PVT1: variants seen among roughly 807,000 people sequenced by gnomAD.
PVT1 encodes Pvt1 oncogene, also known as CXCR4/PVT1 fusion.
intron 3 of PVT1, among the ~76,000 whole-genome samples, chr8:127,934,765 A>G (rs921807939): frequency 2.6e-5 from 4 of 152,114 alleles, no homozygotes; most frequent in African/African-American, 9.7e-5. Context: ...AGAAGCTGCT[A>G]AATTCTTGGC....
chr8:128,094,575 G>T (rs539586066), intron 5 of PVT1, among the ~76,000 whole-genome samples: 20 of 152,330 alleles, frequency 1.3e-4, no homozygotes, highest in African/African-American at 2.2e-4. Context: ...AAAAAATTTT[G>T]TGCTGATCCT....
chr8:127,976,918 GT>G (rs1005196390), intron 3 of PVT1, among the ~76,000 whole-genome samples: 1 of 152,088 alleles, frequency 6.6e-6, no homozygotes, highest in Non-Finnish European at 1.5e-5. Context: ...CTGGAGTTTG[GT>G]TTTTTGAGTT....
At chr8:127,887,065 G>T (rs184601926) in intron 2 of PVT1, among the ~76,000 whole-genome samples, 1 of 152,292 alleles carries the variant, frequency 6.6e-6, no homozygotes, top group East Asian at 1.9e-4. Context: ...CTTTAACTGG[G>T]CTACTCCATA....
intron 4 of PVT1, among the ~76,000 whole-genome samples, chr8:128,017,049 G>A (rs1817382618): frequency 6.6e-6 from 1 of 152,236 alleles, no homozygotes; most frequent in Admixed American, 6.5e-5. Flanking sequence ...CCAAGATGGT[G>A]TAGAACATCA....
chr8:127,823,488 CT>C (rs997159894), intron 2 of PVT1, among the ~76,000 whole-genome samples: 2 of 152,196 alleles, frequency 1.3e-5, no homozygotes, highest in East Asian at 1.9e-4. Flanking sequence ...TTCCCCTGCC[CT>C]TTTTCTGCCT....
Position 128,092,543 on chromosome 8 carries a change from C to T in PVT1, n.1115-3975C>T, listed in dbSNP as rs150142120. On this transcript the variant is annotated intron_variant and non_coding_transcript_variant, in intron 5 of 10. Coordinates refer to ENST00000651587, the Ensembl canonical transcript of PVT1. ...GGGACACATACGTCATGCCCTGAAG[C>T]GTTCCGGAACCGGTAGGGGCTGCCT... is the stretch of plus-strand genomic sequence containing the variant. 1.8e-4 allele frequency among the ~76,000 whole-genome samples: 27 copies of T among 152,366 alleles called. No homozygotes were observed. The East Asian group carries it at 4.1e-3, about 23-fold the overall frequency.
intron 4 of PVT1, among the ~76,000 whole-genome samples, chr8:128,033,456 A>C (rs951315475): frequency 1.3e-5 from 2 of 152,194 alleles, no homozygotes; most frequent in African/African-American, 4.8e-5. Context: ...TTTAGGAGAG[A>C]GAAATTGTGA....
intron 4 of PVT1, among the ~76,000 whole-genome samples, chr8:128,018,833 T>G (rs569974151): frequency 6.6e-6 from 1 of 152,170 alleles, no homozygotes; most frequent in Non-Finnish European, 1.5e-5. Flanking sequence ...CCCCCACCAC[T>G]TAAAATTCCC....
At chr8:127,991,894 C>T (rs1817046129) in intron 4 of PVT1, among the ~76,000 whole-genome samples, 1 of 152,150 alleles carries the variant, frequency 6.6e-6, no homozygotes, top group Non-Finnish European at 1.5e-5. Flanking sequence ...GGGACGCACA[C>T]CAATAGGAGG....
chr8:127,933,170 G>A (rs1447265839), intron 3 of PVT1, among the ~76,000 whole-genome samples: 1 of 152,124 alleles, frequency 6.6e-6, no homozygotes, highest in South Asian at 2.1e-4. Flanking sequence ...CTGCCTCCCG[G>A]GTTCAAGCGA....
chr8:128,034,162 C>G (rs1185938853), intron 4 of PVT1, among the ~76,000 whole-genome samples: 1 of 151,852 alleles, frequency 6.6e-6, no homozygotes, highest in Non-Finnish European at 1.5e-5. Context: ...CCTCCCCCAC[C>G]CCCTCTTTTC....
chr8:127,934,652 C>T (rs1382299996), intron 3 of PVT1, among the ~76,000 whole-genome samples: 1 of 151,588 alleles, frequency 6.6e-6, no homozygotes, highest in African/African-American at 2.4e-5. Flanking sequence ...GCTTCCTTAT[C>T]TCTGCAACAT....
intron 3 of PVT1, among the ~76,000 whole-genome samples, chr8:127,959,180 A>G (rs760081186): frequency 2.6e-5 from 4 of 152,208 alleles, no homozygotes; most frequent in South Asian, 2.1e-4. Flanking sequence ...ACTGATGACT[A>G]TCAGTCCCCT....
chr8:127,895,384 T>A (rs1226810601), intron 3 of PVT1, among the ~76,000 whole-genome samples: 1 of 152,130 alleles, frequency 6.6e-6, no homozygotes, highest in African/African-American at 2.4e-5. Context: ...GGCAGGAGAA[T>A]CATTTGAATC....
chr8:127,945,141 C>T (rs115279348), intron 3 of PVT1, among the ~76,000 whole-genome samples: 1 of 152,086 alleles, frequency 6.6e-6, no homozygotes, highest in Admixed American at 6.5e-5. Flanking sequence ...TTTTCAAGGG[C>T]CAGTTAACCA....
intron 2 of PVT1, among the ~76,000 whole-genome samples, chr8:127,870,722 A>T (rs1051148738): frequency 6.6e-6 from 1 of 152,210 alleles, no homozygotes; most frequent in Non-Finnish European, 1.5e-5. Flanking sequence ...TCTCCCACTT[A>T]CTAGCTATGA....
At chr8:127,887,936 T>TTG (rs1554594473) in intron 2 of PVT1, among the ~76,000 whole-genome samples, 1 of 121,152 alleles carries the variant, frequency 8.3e-6, no homozygotes, top group Non-Finnish European at 1.7e-5. Context: ...ATCTTGTTTT[T>TTG]TTTTTTTTTT....
chr8:127,897,233 C>T (rs911099089), intron 3 of PVT1, among the ~76,000 whole-genome samples: 3 of 152,180 alleles, frequency 2.0e-5, no homozygotes, highest in Admixed American at 1.3e-4. Context: ...GGTGCAGGAC[C>T]GTGGCCTTGG....
chr8:127,883,024 C>A (rs1815486368), intron 2 of PVT1, among the ~76,000 whole-genome samples: 1 of 149,440 alleles, frequency 6.7e-6, no homozygotes, highest in Non-Finnish European at 1.5e-5. Context: ...CACATGCCTG[C>A]ACACACACAC....
Sources: allele counts gnomAD v4.1 joint callset (sites outside exome capture counted in the v4.1 genomes callset), GRCh38; gene constraint gnomAD v4.1.1; transcripts MANE v1.5; gene names NCBI Gene and HGNC (gene_info 2026-07-23, HGNC 2026-07-21).